Variants in DNA2 observed in about 807,000 individuals in gnomAD.
DNA2 encodes DNA replication ATP-dependent helicase/nuclease DNA2.
Under a neutral mutation model 119.1 loss-of-function variants are expected in DNA2, and 101 were observed. The observed-to-expected ratio is 0.85, with a 90% CI of 0.72 to 1.00. The LOEUF (loss-of-function observed/expected upper bound fraction) is 1.00, where lower values mean the gene tolerates loss of function less well. DNA2 is among the 50% of genes least tolerant of loss of function. DNA2 has a pLI of 0.00. For missense variants in DNA2, 1,121 were observed against 1,255.5 expected (o/e 0.89, Z 1.62); for synonymous variants, 366 against 424.4 (o/e 0.86, Z 1.69).
rs1325187503 is a variant in DNA2, at chr10:68,448,966, T to TGTGTGTGTATGC, written c.939+1061_939+1062insGCATACACACAC. 3.6e-4 allele frequency among the ~76,000 whole-genome samples: 47 copies of TGTGTGTGTATGC among 131,212 alleles called. 1 individual carries two copies. The Middle Eastern group carries it at 0.011, about 31-fold the overall frequency. 86.1% of individuals were successfully genotyped at this position (131,212 alleles called of 152,430 possible). A position where few individuals can be genotyped will look rare whatever the true frequency, so the allele number is the denominator to read the frequency against. Reference sequence around the variant, plus strand: ...GTGTGTGTGTGTGTGTGTGTGTGTGTGCGTGTGTGTGTGTGTGTGTAGTAG... The same window carrying TGTGTGTGTATGC: ...GTGTGTGTGTGTGTGTGTGTGTGTGTGTGTGTGTATGCGCGTGTGTGTGTGTGTGTGTAGTAG... On this transcript the variant is annotated intron_variant, in intron 6 of 20. Coordinates refer to ENST00000358410, the MANE Select transcript of DNA2 (RefSeq NM_001080449.3).
chr10:68,428,257 C>T (rs1390595734), intron 14 of DNA2, among the ~76,000 whole-genome samples: 1 of 152,032 alleles, frequency 6.6e-6, no homozygotes, highest in Admixed American at 6.6e-5. Context: ...AGCTGGAAGG[C>T]GGAGCTTGCA....
At chr10:68,443,453 C>T (rs563729147) in intron 8 of DNA2, among the ~76,000 whole-genome samples, 1 of 152,200 alleles carries the variant, frequency 6.6e-6, no homozygotes, top group South Asian at 2.1e-4. Flanking sequence ...AGCTCAGTGA[C>T]GTAAGTACAC....
At chr10:68,426,665 G>T (rs186342965) in intron 14 of DNA2, among the ~76,000 whole-genome samples, 5 of 149,910 alleles carry the variant, frequency 3.3e-5, no homozygotes, top group African/African-American at 7.5e-5. Flanking sequence ...GTGAAACCCC[G>T]TCTCTACTAA....
At chr10:68,450,664 CT>C (rs1173786095) in intron 5 of DNA2, among the ~76,000 whole-genome samples, 1 of 152,130 alleles carries the variant, frequency 6.6e-6, no homozygotes, top group Non-Finnish European at 1.5e-5. Context: ...TTTCTCAGGC[CT>C]AGATTACAAC....
rs2051804749 is a variant in DNA2 at position 68,430,445 on chromosome 10, G to A, written c.2199C>T (p.Tyr733=). The change falls in exon 14 of 21, where the codon TAC becomes TAT. Residue 733 remains tyrosine, a synonymous_variant. Transcript: ENST00000358410. ...CAATAATTGTGCTTACTTGACTATT[G>A]TAGAGTTCTTCTAGAAGAGCTAAGG... ...IKSLALLEEL[Y]NSQLIVATTC... is the part of the protein sequence containing the mutation. The A allele has an allele frequency of 2.5e-6, 4 of 1,594,794 alleles. No individual in the cohort carries two copies. The highest frequency in any genetic ancestry group is 3.4e-6 in the Non-Finnish European group (4 of 1,167,288).
chr10:68,465,529 A>G, intron 4 of DNA2, 138 bp downstream of exon 4: 1 of 661,394 alleles, frequency 1.5e-6, no homozygotes, highest in Non-Finnish European at 2.2e-6. Context: ...CAGAGTTCCA[A>G]CAATGTACTA....
intron 3 of DNA2, 67 bp downstream of exon 3, chr10:68,468,056 A>C (rs548891635): frequency 5.1e-6 from 6 of 1,179,824 alleles, no homozygotes; most frequent in East Asian, 5.2e-5. Flanking sequence ...AAGTGAAATA[A>C]TAAATGTAAA....
chr10:68,448,112 A>C (rs1405570907), intron 6 of DNA2, among the ~76,000 whole-genome samples: 1 of 152,234 alleles, frequency 6.6e-6, no homozygotes, highest in East Asian at 1.9e-4. Flanking sequence ...AAATTGAAGA[A>C]GGAAATTAAT....
At chr10:68,425,310 G>C (rs2051724603) in intron 14 of DNA2, among the ~76,000 whole-genome samples, 1 of 151,500 alleles carries the variant, frequency 6.6e-6, no homozygotes, top group African/African-American at 2.4e-5. Context: ...TGGCCAGGCT[G>C]GTCTCGAACG....
At chr10:68,439,200 G>T (rs2051932996) in intron 9 of DNA2, among the ~76,000 whole-genome samples, 1 of 151,696 alleles carries the variant, frequency 6.6e-6, no homozygotes, top group South Asian at 2.1e-4. Flanking sequence ...TTCAAGACCA[G>T]CCTGACCAAC....
At chr10:68,450,433 T>C (rs1047403524) in intron 5 of DNA2, among the ~76,000 whole-genome samples, 186 bp from the exon 6 acceptor site, 2 of 152,156 alleles carry the variant, frequency 1.3e-5, no homozygotes, top group African/African-American at 2.4e-5. Context: ...GAACTTGCTA[T>C]AAAAGTAAAT....
intron 4 of DNA2, among the ~76,000 whole-genome samples, chr10:68,461,809 C>G (rs1461983229): frequency 2.0e-5 from 2 of 100,456 alleles, no homozygotes; most frequent in African/African-American, 7.4e-5. Context: ...GCCTGGGAAA[C>G]AAGAGTGAAA....
At chr10:68,462,464 G>T (rs1215834702) in intron 4 of DNA2, among the ~76,000 whole-genome samples, 1 of 152,152 alleles carries the variant, frequency 6.6e-6, no homozygotes, top group African/African-American at 2.4e-5. Context: ...CATAGATATA[G>T]CCCACATAAA....
At chr10:68,434,727 G>A (rs925468437) in intron 10 of DNA2, among the ~76,000 whole-genome samples, 1 of 152,156 alleles carries the variant, frequency 6.6e-6, no homozygotes, top group Non-Finnish European at 1.5e-5. Context: ...TTAATACATG[G>A]TAGACACTAA....
chr10:68,448,137 C>T (rs1471522259), intron 6 of DNA2, among the ~76,000 whole-genome samples: 1 of 152,078 alleles, frequency 6.6e-6, no homozygotes, highest in African/African-American at 2.4e-5. Flanking sequence ...CTATGATTTA[C>T]ATTTTGAAGT....
rs2133361756 is a variant in DNA2, at chr10:68,422,325, A to C, written c.2597T>G (p.Val866Gly). 6.2e-7 allele frequency: 1 copy of C among 1,613,938 alleles called. No individual in the cohort carries two copies. The highest frequency in any genetic ancestry group is 2.2e-5 in the East Asian group (1 of 44,872). The change falls in exon 17 of 21, where the codon GTG becomes GGG. Residue 866 changes from valine to glycine, a missense_variant. By Grantham distance (109) the Val-to-Gly change is moderately radical. Coordinates refer to ENST00000358410, the MANE Select transcript of DNA2 (RefSeq NM_001080449.3). ...AVINLRHFKDVKLELEFYADY... is the reference protein window; with the variant it reads ...AVINLRHFKDGKLELEFYADY... ...AGCATAAAATTCCAGTTCCAGCTTC[A>C]CATCTTTAAAGTGACGTAGGTTTAT...
chr10:68,438,515 G>A (rs550983395), intron 9 of DNA2, among the ~76,000 whole-genome samples: 52 of 128,684 alleles, frequency 4.0e-4, no homozygotes, highest in African/African-American at 1.4e-3. Flanking sequence ...GTGAAACTCC[G>A]TCTCAAAAAA....
At chr10:68,432,557 G>T in intron 10 of DNA2, 47 bp from the exon 11 acceptor site, 1 of 1,045,846 alleles carries the variant, frequency 9.6e-7, no homozygotes, top group Non-Finnish European at 1.4e-6. Flanking sequence ...ATTTCGCATA[G>T]TCTGTATAAG....
At chr10:68,422,632 CA>C in intron 15 of DNA2, 28 bp from the exon 16 acceptor site, 1 of 1,612,836 alleles carries the variant, frequency 6.2e-7, no homozygotes, top group Non-Finnish European at 8.5e-7. Flanking sequence ...TCATGTTTAT[CA>C]GTGTACTAAA....
Sources: allele counts gnomAD v4.1 joint callset (sites outside exome capture counted in the v4.1 genomes callset), GRCh38; gene constraint gnomAD v4.1.1; transcripts MANE v1.5; gene names NCBI Gene and HGNC (gene_info 2026-07-23, HGNC 2026-07-21).